The following ELP4 variants were observed in gnomAD, a reference collection of about 807,000 sequenced individuals.
ELP4 encodes elongator complex protein 4.
In ELP4, 51 loss-of-function variants were observed where a neutral mutation model predicts 48.9. That is an observed-to-expected ratio of 1.04 (90% CI 0.83 to 1.32). The LOEUF (loss-of-function observed/expected upper bound fraction) is 1.32, where lower values mean the gene tolerates loss of function less well. Among genes scored for constraint, ELP4 ranks in the 40% most tolerant of loss-of-function variants. The pLI is 0.00. For synonymous variants in ELP4, 210 were observed against 189.2 expected (o/e 1.11, Z -0.90); for missense variants, 519 against 514.6 (o/e 1.01, Z -0.08).
intron 3 of ELP4, among the ~76,000 whole-genome samples, chr11:31,572,125 A>G (rs549036746): frequency 6.6e-6 from 1 of 152,194 alleles, no homozygotes; most frequent in Non-Finnish European, 1.5e-5. Flanking sequence ...TGTCATCTAC[A>G]TTGAAAATCT....
At chr11:31,730,994 T>C (rs1592260633) in intron 9 of ELP4, among the ~76,000 whole-genome samples, 1 of 148,194 alleles carries the variant, frequency 6.7e-6, no homozygotes, top group South Asian at 2.1e-4. Flanking sequence ...AGCCAGCAAA[T>C]CTAAGTAAAA....
intron 3 of ELP4, among the ~76,000 whole-genome samples, chr11:31,543,760 C>T (rs1420628534): frequency 6.6e-6 from 1 of 152,038 alleles, no homozygotes; most frequent in African/African-American, 2.4e-5. Flanking sequence ...CAATACAAAC[C>T]AGAAAACAAG....
chr11:31,631,366 A>G (rs769257481), intron 6 of ELP4, among the ~76,000 whole-genome samples: 39 of 152,148 alleles, frequency 2.6e-4, no homozygotes, highest in Admixed American at 4.6e-4. Flanking sequence ...TTTCCCATCA[A>G]TTCTAATAAT....
intron 9 of ELP4, chr11:31,664,447 G>A (rs915658363): frequency 2.0e-5 from 3 of 151,950 alleles, no homozygotes; most frequent in East Asian, 1.9e-4. Flanking sequence ...TATTTGGTTG[G>A]GGGGGGAGTC....
chr11:31,528,314 AATAG>A (rs2133889425), intron 2 of ELP4, among the ~76,000 whole-genome samples: 1 of 152,262 alleles, frequency 6.6e-6, no homozygotes, highest in South Asian at 2.1e-4. Flanking sequence ...ATTGGTAAGA[AATAG>A]ATAGTCATGG....
At chr11:31,714,006 GAGAA>G (rs1461209752) in intron 9 of ELP4, among the ~76,000 whole-genome samples, 2 of 152,102 alleles carry the variant, frequency 1.3e-5, no homozygotes, top group Non-Finnish European at 2.9e-5. Flanking sequence ...GGACAGAGAA[GAGAA>G]AGAATGCCAA....
intron 9 of ELP4, among the ~76,000 whole-genome samples, chr11:31,685,305 C>T (rs1946137937): frequency 6.6e-6 from 1 of 152,044 alleles, no homozygotes; most frequent in East Asian, 1.9e-4. Flanking sequence ...GAGCTGAGAT[C>T]GCGCCATTGC....
At chr11:31,621,631 T>A (rs917979454) in intron 5 of ELP4, among the ~76,000 whole-genome samples, 1 of 151,980 alleles carries the variant, frequency 6.6e-6, no homozygotes, top group Non-Finnish European at 1.5e-5. Context: ...GTTTATATAT[T>A]TGTAAGCATA....
intron 4 of ELP4, among the ~76,000 whole-genome samples, chr11:31,600,836 T>G (rs1312180087): frequency 6.6e-6 from 1 of 152,182 alleles, no homozygotes. Flanking sequence ...TTGGTGCAGC[T>G]TTTCTTTGAA....
chr11:31,602,863 T>C (rs1156957959), intron 4 of ELP4, among the ~76,000 whole-genome samples: 1 of 152,008 alleles, frequency 6.6e-6, no homozygotes, highest in Non-Finnish European at 1.5e-5. Flanking sequence ...TGAAATCTTT[T>C]ATTAGAGACT....
At chr11:31,583,421 TA>T (rs1957423092) in intron 3 of ELP4, among the ~76,000 whole-genome samples, 1 of 152,146 alleles carries the variant, frequency 6.6e-6, no homozygotes, top group African/African-American at 2.4e-5. Flanking sequence ...AGAGAAATGA[TA>T]AACTCCACAA....
chr11:31,644,074 G>A (rs1359464219), intron 7 of ELP4, among the ~76,000 whole-genome samples: 2 of 151,638 alleles, frequency 1.3e-5, no homozygotes, highest in Non-Finnish European at 2.9e-5. Context: ...GTCATGTCTT[G>A]GCTACTATCC....
At chr11:31,640,052 A>G (rs1267667347) in intron 7 of ELP4, among the ~76,000 whole-genome samples, 1 of 151,912 alleles carries the variant, frequency 6.6e-6, no homozygotes, top group Admixed American at 6.6e-5. Flanking sequence ...TCATCTTTAT[A>G]ATGCCCAGTG....
chr11:31,627,232 A>G (rs780627328), intron 6 of ELP4, 38 bp downstream of exon 6: 1 of 274,812 alleles, frequency 3.6e-6, no homozygotes, highest in Non-Finnish European at 6.2e-6. Flanking sequence ...AATTATTTAT[A>G]TAATGTTGTT....
At chr11:31,528,369 G>T (rs917777576) in intron 2 of ELP4, among the ~76,000 whole-genome samples, 16 of 152,086 alleles carry the variant, frequency 1.1e-4, no homozygotes, top group African/African-American at 3.4e-4. Flanking sequence ...TGGATACACT[G>T]CAGAAATAAA....
At chr11:31,618,091 A>G (rs547859684) in intron 5 of ELP4, among the ~76,000 whole-genome samples, 2 of 152,206 alleles carry the variant, frequency 1.3e-5, no homozygotes, top group African/African-American at 4.8e-5. Context: ...ATGTCCCTCA[A>G]CTGATGAGTG....
intron 9 of ELP4, among the ~76,000 whole-genome samples, chr11:31,743,160 A>C (rs1053173936): frequency 2.0e-5 from 3 of 152,222 alleles, no homozygotes; most frequent in African/African-American, 7.2e-5. Context: ...AGACCATTAC[A>C]TAATGGTAAA....
At chr11:31,550,019 A>T (rs1420232767) in intron 3 of ELP4, among the ~76,000 whole-genome samples, 1 of 152,142 alleles carries the variant, frequency 6.6e-6, no homozygotes, top group Admixed American at 6.5e-5. Context: ...TAGCATTGGG[A>T]GATATACCTA....
At chr11:31,677,164 A>G (rs1450753361) in intron 9 of ELP4, among the ~76,000 whole-genome samples, 1 of 152,220 alleles carries the variant, frequency 6.6e-6, no homozygotes, top group Non-Finnish European at 1.5e-5. Flanking sequence ...CTAATTAAAC[A>G]GTTTCCAGGA....
Sources: allele counts gnomAD v4.1 joint callset (sites outside exome capture counted in the v4.1 genomes callset), GRCh38; gene constraint gnomAD v4.1.1; transcripts MANE v1.5; gene names NCBI Gene and HGNC (gene_info 2026-07-23, HGNC 2026-07-21).